KCNK9: variants seen among roughly 807,000 people sequenced by gnomAD.
The protein encoded by KCNK9 is potassium channel subfamily K member 9.
A neutral mutation model predicts 10.8 loss-of-function variants in KCNK9; 1 was observed. The observed-to-expected ratio is 0.09, with a 90% CI of 0.03 to 0.44. The LOEUF is 0.44. Among genes scored for constraint, KCNK9 ranks in the 20% least tolerant of loss-of-function variants. KCNK9 has a pLI of 0.97. For synonymous variants in KCNK9, 231 were observed against 222.7 expected (o/e 1.04, Z -0.33); for missense variants, 303 against 515.0 (o/e 0.59, Z 3.98).
intron 1 of KCNK9, among the ~76,000 whole-genome samples, chr8:139,643,292 G>A (rs994691905): frequency 3.9e-4 from 59 of 152,228 alleles, no homozygotes; most frequent in African/African-American, 9.6e-4. Context: ...TCTGCTGGCC[G>A]CGACCCCCGC....
At chr8:139,616,253 A>AC (rs1248564001), downstream of KCNK9, 3 of 151,860 alleles carry the variant, frequency 2.0e-5, no homozygotes, top group South Asian at 4.2e-4. Flanking sequence ...TATACCTCTG[A>AC]CCCCCTAGAG....
intron 1 of KCNK9, among the ~76,000 whole-genome samples, chr8:139,642,024 C>A (rs979538869): frequency 5.9e-5 from 9 of 152,170 alleles, no homozygotes; most frequent in Admixed American, 2.6e-4. Context: ...TAGGGAGCTC[C>A]CCATGACTGG....
chr8:139,685,519 G>T (rs963362337), intron 1 of KCNK9, among the ~76,000 whole-genome samples: 1 of 152,160 alleles, frequency 6.6e-6, no homozygotes, highest in Non-Finnish European at 1.5e-5. Context: ...ACCTATGAGT[G>T]AGAACATGCG....
rs527504031 is a variant in KCNK9 at position 139,653,079 on chromosome 8, G to A, written c.284-33980C>T. Among the ~76,000 whole-genome samples, 4 of 152,320 alleles carry A rather than the reference G, an allele frequency of 2.6e-5. No homozygotes were observed. In the South Asian group the frequency reaches 8.3e-4, roughly 32 times the overall value. ...CCCCAGCACTCCTCAAATGCTGCCA[G>A]GCTGTGGATTTGACAGGGTGCAGCA... On this transcript the variant is annotated intron_variant, in intron 1 of 1. Coordinates refer to ENST00000520439, the MANE Select transcript of KCNK9 (RefSeq NM_001282534.2).
intron 1 of KCNK9, among the ~76,000 whole-genome samples, chr8:139,697,648 G>C (rs564834680): frequency 8.5e-5 from 13 of 152,216 alleles, no homozygotes; most frequent in Admixed American, 7.2e-4. Context: ...ACTGATGAAA[G>C]TGACCCAGGA....
At position 139,652,292 on chromosome 8, in the gene KCNK9, G is replaced by A. The variant is rs558833201; in HGVS notation, c.284-33193C>T. 1.2e-4 allele frequency among the ~76,000 whole-genome samples: 19 copies of A among 152,268 alleles called. No individual in the cohort carries two copies. In the East Asian group the frequency reaches 1.7e-3, roughly 14 times the overall value. Reference sequence around the variant, plus strand: ...CCACCCTGAATCCCACACAAGGGCCGACTAGGAACTAGTTTTCCCAAGATC... The same window carrying A: ...CCACCCTGAATCCCACACAAGGGCCAACTAGGAACTAGTTTTCCCAAGATC... On this transcript the variant is annotated intron_variant, in intron 1 of 1. Coordinates refer to ENST00000520439, the MANE Select transcript of KCNK9 (RefSeq NM_001282534.2).
intron 1 of KCNK9, among the ~76,000 whole-genome samples, chr8:139,633,526 C>T (rs1210828366): frequency 1.3e-5 from 2 of 152,186 alleles, no homozygotes; most frequent in Non-Finnish European, 2.9e-5. Context: ...GTGCTGACCT[C>T]CTTCCGAAAA....
intron 1 of KCNK9, among the ~76,000 whole-genome samples, chr8:139,683,234 G>A (rs970055442): frequency 2.6e-5 from 4 of 152,180 alleles, no homozygotes; most frequent in Non-Finnish European, 4.4e-5. Flanking sequence ...CCTGCCAGAC[G>A]AGGGTGAAGA....
chr8:139,697,732 T>C (rs1817096845), intron 1 of KCNK9, among the ~76,000 whole-genome samples: 2 of 152,106 alleles, frequency 1.3e-5, no homozygotes, highest in African/African-American at 4.8e-5. Flanking sequence ...CAGAGCACCA[T>C]GCTGGGTGTC....
At position 139,702,614 on chromosome 8, in the gene KCNK9, C is replaced by T; in HGVS notation, c.283+96G>A. ...GCCCCCAAGGGAGGCTGCGTTTAAC[C>T]CTCGACGCCCTGCACCCAGCCCGGC... is the stretch of plus-strand genomic sequence containing the variant. On this transcript the variant is annotated intron_variant, in intron 1 of 1. Coordinates refer to ENST00000520439, the MANE Select transcript of KCNK9 (RefSeq NM_001282534.2). The surrounding 1 kb of genome is among the most constrained non-coding windows in gnomAD (Gnocchi z 7.5). 1 of 1,308,162 alleles carries T rather than the reference C, an allele frequency of 7.6e-7. No individual in the cohort carries two copies. The highest frequency in any genetic ancestry group is 1.0e-6 in the Non-Finnish European group (1 of 964,734). The allele number at this position is 1,308,162 out of a possible 1,614,324, so 81.0% of individuals were successfully genotyped here.
chr8:139,687,378 A>G (rs986344991), intron 1 of KCNK9, among the ~76,000 whole-genome samples: 3 of 131,248 alleles, frequency 2.3e-5, no homozygotes, highest in African/African-American at 5.6e-5. Flanking sequence ...GTGTATACAT[A>G]TATATGAATA....
chr8:139,680,401 T>C (rs1468374931), intron 1 of KCNK9, among the ~76,000 whole-genome samples: 1 of 152,136 alleles, frequency 6.6e-6, no homozygotes, highest in Admixed American at 6.5e-5. Flanking sequence ...AAGTAGCAGC[T>C]TGGGGGCTAA....
chr8:139,681,265 C>G (rs915317697), intron 1 of KCNK9, among the ~76,000 whole-genome samples: 1 of 152,198 alleles, frequency 6.6e-6, no homozygotes, highest in Non-Finnish European at 1.5e-5. Context: ...GAGAAAGAGG[C>G]AGGGAGGGAA....
chr8:139,638,410 C>G (rs957211782), intron 1 of KCNK9, among the ~76,000 whole-genome samples: 2 of 152,192 alleles, frequency 1.3e-5, no homozygotes, highest in Non-Finnish European at 2.9e-5. Flanking sequence ...TATGAATGAA[C>G]AGGAGCTACG....
intron 1 of KCNK9, among the ~76,000 whole-genome samples, chr8:139,676,629 T>C (rs1816555327): frequency 6.6e-6 from 1 of 152,184 alleles, no homozygotes; most frequent in African/African-American, 2.4e-5. Context: ...TTTGCTCACT[T>C]TGACCTTCAC....
intron 1 of KCNK9, among the ~76,000 whole-genome samples, chr8:139,653,028 G>A (rs906212803): frequency 2.6e-5 from 4 of 152,166 alleles, no homozygotes; most frequent in Non-Finnish European, 4.4e-5. Flanking sequence ...ACCTTGTAGG[G>A]GCCCCCCTTC....
intron 1 of KCNK9, among the ~76,000 whole-genome samples, chr8:139,648,773 T>C (rs1165596059): frequency 6.6e-6 from 1 of 152,208 alleles, no homozygotes; most frequent in African/African-American, 2.4e-5. Context: ...CAGAGTCAGC[T>C]GGCACTGGGT....
intron 1 of KCNK9, among the ~76,000 whole-genome samples, chr8:139,673,790 A>T (rs1037153330): frequency 1.3e-5 from 2 of 151,764 alleles, no homozygotes; most frequent in African/African-American, 4.8e-5. Flanking sequence ...GTGCTCTTGG[A>T]TACCAGCCCC....
intron 1 of KCNK9, among the ~76,000 whole-genome samples, chr8:139,700,257 G>A (rs1457011133): frequency 1.3e-5 from 2 of 152,134 alleles, no homozygotes; most frequent in African/African-American, 4.8e-5. Context: ...GCTGCAGCCC[G>A]CGGGATCTCA....
Sources: allele counts gnomAD v4.1 joint callset (sites outside exome capture counted in the v4.1 genomes callset), GRCh38; gene constraint gnomAD v4.1.1; non-coding constraint Gnocchi (gnomAD v3.1); transcripts MANE v1.5; gene names NCBI Gene and HGNC (gene_info 2026-07-23, HGNC 2026-07-21).